Variants in FNDC3A observed in about 807,000 individuals in gnomAD.
FNDC3A encodes the protein fibronectin type III domain containing 3A, also known as fibronectin type-III domain-containing protein 3A.
A neutral mutation model predicts 148.9 loss-of-function variants in FNDC3A; 32 were observed. The ratio of observed to expected loss-of-function variants is 0.21; its 90% CI spans 0.16 to 0.29. The LOEUF is 0.29. Ranked by LOEUF, FNDC3A falls within the 10% of genes least tolerant of loss-of-function variation. FNDC3A has a pLI of 1.00. For synonymous variants in FNDC3A, 472 were observed against 473.6 expected (o/e 1.00, Z 0.04); for missense variants, 1,191 against 1,452.8 (o/e 0.82, Z 2.93).
chr13:49,023,602 A>G (rs1230416971), intron 2 of FNDC3A, among the ~76,000 whole-genome samples: 3 of 151,948 alleles, frequency 2.0e-5, no homozygotes, highest in African/African-American at 4.8e-5. Flanking sequence ...TACATATTCT[A>G]CAGTTAAATT....
intron 2 of FNDC3A, among the ~76,000 whole-genome samples, chr13:49,029,134 A>AGGCTGAAG (rs1389414621): frequency 6.6e-6 from 1 of 152,136 alleles, no homozygotes; most frequent in Non-Finnish European, 1.5e-5. Context: ...CCACCATGCC[A>AGGCTGAAG]GGCTGAAGTT....
chr13:49,171,310 T>C (rs935575727), intron 10 of FNDC3A, among the ~76,000 whole-genome samples: 4 of 152,198 alleles, frequency 2.6e-5, no homozygotes, highest in Non-Finnish European at 4.4e-5. Flanking sequence ...AAACATCATT[T>C]CAAAAATTAA....
At chr13:49,127,149 C>T (rs1881749698) in intron 4 of FNDC3A, among the ~76,000 whole-genome samples, 1 of 152,208 alleles carries the variant, frequency 6.6e-6, no homozygotes, top group Non-Finnish European at 1.5e-5. Flanking sequence ...TGGAACCCAT[C>T]CCATTTTGCC....
chr13:48,983,948 T>C (rs1172385252), intron 1 of FNDC3A, among the ~76,000 whole-genome samples: 1 of 152,074 alleles, frequency 6.6e-6, no homozygotes, highest in Non-Finnish European at 1.5e-5. Context: ...TGCTTACAAA[T>C]ACAAATAAAT....
At chr13:49,014,077 TAGCAGCATGATTTATAGTC>T (rs1424536314) in intron 2 of FNDC3A, among the ~76,000 whole-genome samples, 1 of 142,950 alleles carries the variant, frequency 7.0e-6, no homozygotes, top group Non-Finnish European at 1.5e-5. Flanking sequence ...TGTGTCTTTA[TAGCAGCATGATTTATAGTC>T]CTTTGGGTAT....
At chr13:49,099,314 A>C (rs982476585) in intron 3 of FNDC3A, among the ~76,000 whole-genome samples, 2 of 152,126 alleles carry the variant, frequency 1.3e-5, no homozygotes, top group Admixed American at 6.6e-5. Flanking sequence ...CCCAAAATAA[A>C]TCATTCTCTC....
chr13:49,081,272 AAG>A (rs1165511042), intron 3 of FNDC3A, among the ~76,000 whole-genome samples: 1 of 152,186 alleles, frequency 6.6e-6, no homozygotes, highest in East Asian at 1.9e-4. Flanking sequence ...CACTACATGT[AAG>A]AGAGAAAATT....
intron 3 of FNDC3A, among the ~76,000 whole-genome samples, chr13:49,085,401 C>T (rs188319159): frequency 1.3e-5 from 2 of 152,198 alleles, no homozygotes; most frequent in African/African-American, 4.8e-5. Flanking sequence ...GCCCTCTTCT[C>T]TCAGGATGTC....
At chr13:49,113,149 A>T (rs1880687163) in intron 3 of FNDC3A, among the ~76,000 whole-genome samples, 2 of 126,280 alleles carry the variant, frequency 1.6e-5, no homozygotes, top group Admixed American at 9.4e-5. Context: ...TCTTCTCTTC[A>T]CTCTCCTTTA....
chr13:49,176,853 T>G (rs1885056871), intron 13 of FNDC3A, among the ~76,000 whole-genome samples: 1 of 152,108 alleles, frequency 6.6e-6, no homozygotes, highest in South Asian at 2.1e-4. Context: ...CAGGCTGGAG[T>G]GCAGTGGCAC....
intron 2 of FNDC3A, among the ~76,000 whole-genome samples, chr13:49,074,066 G>C (rs1023327703): frequency 3.3e-5 from 5 of 151,960 alleles, no homozygotes; most frequent in African/African-American, 1.2e-4. Context: ...ATTCGAAGTA[G>C]TATTATAAAA....
intron 2 of FNDC3A, among the ~76,000 whole-genome samples, chr13:49,031,246 G>A (rs1261728219): frequency 6.6e-6 from 1 of 152,046 alleles, no homozygotes; most frequent in Non-Finnish European, 1.5e-5. Context: ...AATTAGCATG[G>A]TGGTGTGCAC....
chr13:49,031,820 TGTGTTACTATCA>T (rs1874141405), intron 2 of FNDC3A, among the ~76,000 whole-genome samples: 1 of 152,164 alleles, frequency 6.6e-6, no homozygotes. Flanking sequence ...TTGTAAGTTT[TGTGTTACTATCA>T]GGAAACAAAA....
At chr13:48,987,383 G>A (rs778835573) in intron 1 of FNDC3A, among the ~76,000 whole-genome samples, 4 of 152,198 alleles carry the variant, frequency 2.6e-5, no homozygotes, top group Non-Finnish European at 4.4e-5. Context: ...CTGACTGGAA[G>A]TATCTTTTTG....
chr13:49,193,865 A>G (rs1390808481), intron 19 of FNDC3A, among the ~76,000 whole-genome samples: 1 of 152,020 alleles, frequency 6.6e-6, no homozygotes, highest in Non-Finnish European at 1.5e-5. Flanking sequence ...GGTTACAGTG[A>G]GCTGAAATCA....
intron 2 of FNDC3A, among the ~76,000 whole-genome samples, chr13:49,009,100 G>A (rs1297450726): frequency 1.3e-5 from 2 of 151,924 alleles, no homozygotes; most frequent in Non-Finnish European, 2.9e-5. Flanking sequence ...TAATTTCACC[G>A]CCCTAAAAAT....
intron 7 of FNDC3A, among the ~76,000 whole-genome samples, chr13:49,140,798 G>C (rs145717353): frequency 6.4e-4 from 98 of 152,308 alleles, no homozygotes; most frequent in African/African-American, 2.0e-3. Context: ...AAATTGTAAC[G>C]GTGAAGTGCC....
At chr13:49,178,170 T>A (rs1472864017) in intron 13 of FNDC3A, among the ~76,000 whole-genome samples, 1 of 152,228 alleles carries the variant, frequency 6.6e-6, no homozygotes, top group East Asian at 1.9e-4. Flanking sequence ...AACCATGTGT[T>A]AAAGGCAAGT....
chr13:49,050,879 T>C (rs1028649037), intron 2 of FNDC3A, among the ~76,000 whole-genome samples: 12 of 152,240 alleles, frequency 7.9e-5, no homozygotes, highest in African/African-American at 2.7e-4. Flanking sequence ...GGAGTAGTCC[T>C]TTTATCATTA....
Sources: gnomAD v4.1 joint callset for allele counts (sites outside exome capture counted in the v4.1 genomes callset) on GRCh38, gnomAD v4.1.1 for gene constraint, MANE v1.5 for transcripts, NCBI Gene and HGNC (gene_info 2026-07-23, HGNC 2026-07-21) for gene names.